Variants in CFAP221 observed in about 807,000 individuals in gnomAD.
The protein encoded by CFAP221 is cilia and flagella associated protein 221, also known as cilia- and flagella-associated protein 221.
CFAP221 carries 97 observed loss-of-function variants against 113.1 expected under a neutral mutation model. That is an observed-to-expected ratio of 0.86 (90% CI 0.73 to 1.02). The LOEUF is 1.02. Ranked by LOEUF, CFAP221 falls within the 50% of genes least tolerant of loss-of-function variation. The probability of loss-of-function intolerance (pLI) is 0.00; values close to 1 mark genes in which losing one functional copy is unlikely to be tolerated. For missense variants in CFAP221, 1,025 were observed against 1,013.4 expected (o/e 1.01, Z -0.16); for synonymous variants, 331 against 354.4 (o/e 0.93, Z 0.74).
chr2:119,640,717 T>C (rs1574215110), intron 21 of CFAP221, among the ~76,000 whole-genome samples: 1 of 151,832 alleles, frequency 6.6e-6, no homozygotes, highest in African/African-American at 2.4e-5. Flanking sequence ...GCTCCAAGAG[T>C]GGCCAAGAAA....
chr2:119,608,365 AACTT>A, intron 11 of CFAP221, 133 bp from the exon 12 acceptor site: 1 of 546,876 alleles, frequency 1.8e-6, no homozygotes, highest in Non-Finnish European at 3.2e-6. Flanking sequence ...CTCTATAACT[AACTT>A]CTCTATCCCA....
At chr2:119,564,100 A>G (rs894853842) in intron 6 of CFAP221, among the ~76,000 whole-genome samples, 2 of 152,230 alleles carry the variant, frequency 1.3e-5, no homozygotes, top group Non-Finnish European at 2.9e-5. Context: ...AGCACTGAGC[A>G]GGGGACTGTA....
chr2:119,658,364 C>T (rs1032508729), downstream of CFAP221, among the ~76,000 whole-genome samples: 8 of 152,178 alleles, frequency 5.3e-5, no homozygotes, highest in African/African-American at 1.9e-4. Context: ...AGTGCATCCT[C>T]GACCTTTCCT....
chr2:119,572,667 C>T (rs926555197), intron 6 of CFAP221: 3 of 671,800 alleles, frequency 4.5e-6, no homozygotes, highest in East Asian at 2.7e-5. Context: ...AATTGGTTAG[C>T]GTGCTCTAGA....
At chr2:119,614,758 C>A (rs1191263278) in intron 13 of CFAP221, among the ~76,000 whole-genome samples, 1 of 152,172 alleles carries the variant, frequency 6.6e-6, no homozygotes, top group East Asian at 1.9e-4. Context: ...GTTAAAAGTC[C>A]AACTTTTAAT....
Position 119,559,872 on chromosome 2 carries a change from T to A in CFAP221, c.328-56T>A, listed in dbSNP as rs115660224. The A allele has an allele frequency of 2.0e-3, 2,955 of 1,483,270 alleles. 46 individuals carry two copies. The African/African-American group carries it at 0.037, about 18-fold the overall frequency. 91.9% of individuals were successfully genotyped at this position (1,483,270 alleles called of 1,614,324 possible). A position where few individuals can be genotyped will look rare whatever the true frequency, so the allele number is the denominator to read the frequency against. On this transcript the variant is annotated intron_variant, in intron 4 of 23. Transcript: ENST00000413369. ...GTGTGTGGTGTGTTGTCACCCCCGG[T>A]GCTGCTCTCTGTGCAGTCCGGGGCT...
intron 13 of CFAP221, among the ~76,000 whole-genome samples, chr2:119,613,325 G>A (rs1685307865): frequency 6.6e-6 from 1 of 152,234 alleles, no homozygotes; most frequent in Admixed American, 6.5e-5. Flanking sequence ...CCAGTAGGCA[G>A]TGCCCCAGTG....
chr2:119,626,045 C>G (rs188530786), intron 15 of CFAP221, among the ~76,000 whole-genome samples: 1 of 152,288 alleles, frequency 6.6e-6, no homozygotes, highest in East Asian at 1.9e-4. Context: ...TGCGCTCCCC[C>G]CAGGGGTTTC....
intron 19 of CFAP221, among the ~76,000 whole-genome samples, chr2:119,633,373 T>C (rs1322408297): frequency 6.6e-6 from 1 of 151,898 alleles, no homozygotes; most frequent in Non-Finnish European, 1.5e-5. Flanking sequence ...TAATTGGACT[T>C]TGTCCAAATT....
At chr2:119,554,618 C>T (rs180720021) in intron 3 of CFAP221, among the ~76,000 whole-genome samples, 74 of 152,262 alleles carry the variant, frequency 4.9e-4, no homozygotes, top group Admixed American at 1.2e-3. Flanking sequence ...CTTAGAGACC[C>T]TGAAGATCTT....
intron 6 of CFAP221, among the ~76,000 whole-genome samples, chr2:119,564,211 T>C (rs923277488): frequency 3.9e-5 from 6 of 152,284 alleles, no homozygotes; most frequent in Non-Finnish European, 7.4e-5. Context: ...TTTGAGGTCC[T>C]TCTTTTTCAG....
intron 14 of CFAP221, among the ~76,000 whole-genome samples, chr2:119,622,711 A>G (rs994057131): frequency 8.5e-5 from 13 of 152,338 alleles, no homozygotes; most frequent in African/African-American, 3.1e-4. Context: ...AGGCTGCTTC[A>G]ACATATGCAA....
intron 12 of CFAP221, among the ~76,000 whole-genome samples, chr2:119,609,460 G>A (rs1684998112): frequency 6.6e-6 from 1 of 152,148 alleles, no homozygotes. Context: ...CCTTCTGAGA[G>A]CCATGAGTGA....
Position 119,628,270 on chromosome 2 carries a change from T to TTCTC in CFAP221, c.1650+500_1650+503dup, listed in dbSNP as rs143060958. On this transcript the variant is annotated intron_variant, in intron 16 of 23. Coordinates refer to ENST00000413369, the MANE Select transcript of CFAP221 (RefSeq NM_001271049.2). ...CTAACCCATCAGACTCACAACCCAC[T>TTCTC]TCTCTCTCTCTCTCTCTCTGGGGGG... Among the ~76,000 whole-genome samples the TTCTC allele has an allele frequency of 2.4e-3, 349 of 142,510 alleles. 6 individuals carry two copies. The highest frequency in any genetic ancestry group is 0.014 in the East Asian group (67 of 4,660). 93.5% of individuals were successfully genotyped at this position (142,510 alleles called of 152,430 possible).
At chr2:119,589,879 A>C (rs775793055) in intron 7 of CFAP221, 12 of 152,222 alleles carry the variant, frequency 7.9e-5, no homozygotes, top group Non-Finnish European at 1.8e-4. Context: ...ATATGCAACC[A>C]AAACTTCAAG....
intron 23 of CFAP221, among the ~76,000 whole-genome samples, chr2:119,654,532 GC>G (rs760948365): frequency 6.6e-6 from 1 of 152,076 alleles, no homozygotes; most frequent in South Asian, 2.1e-4. Flanking sequence ...ATACCATGGA[GC>G]TAATGTTGAA....
intron 22 of CFAP221, 48 bp downstream of exon 22, chr2:119,647,098 C>CA: frequency 6.8e-7 from 1 of 1,468,668 alleles, no homozygotes. Flanking sequence ...GTCTGTTTTC[C>CA]AAAAATATGT....
chr2:119,575,756 C>T (rs773135286), intron 6 of CFAP221, among the ~76,000 whole-genome samples: 1 of 152,100 alleles, frequency 6.6e-6, no homozygotes, highest in Non-Finnish European at 1.5e-5. Context: ...ATATTATGTA[C>T]ATTTTACCAC....
chr2:119,625,729 C>G (rs748496639), intron 15 of CFAP221, 41 bp downstream of exon 15: 23 of 1,509,298 alleles, frequency 1.5e-5, no homozygotes, highest in Non-Finnish European at 1.6e-5. Flanking sequence ...CGAGACTGAT[C>G]ATGCCTCTGA....
Sources: gnomAD v4.1 joint callset for allele counts (sites outside exome capture counted in the v4.1 genomes callset) on GRCh38, gnomAD v4.1.1 for gene constraint, MANE v1.5 for transcripts, NCBI Gene and HGNC (gene_info 2026-07-23, HGNC 2026-07-21) for gene names.